Variants in IGFL2 observed in about 807,000 individuals in gnomAD.
IGFL2 encodes IGF like family member 2.
Under a neutral mutation model 13.9 loss-of-function variants are expected in IGFL2, and 7 were observed. The ratio of observed to expected loss-of-function variants is 0.51; its 90% CI spans 0.29 to 0.95. The LOEUF is 0.95. Among genes scored for constraint, IGFL2 ranks in the 40% least tolerant of loss-of-function variants. IGFL2 has a pLI of 0.08. For missense variants in IGFL2, 138 were observed against 147.8 expected, an observed-to-expected ratio of 0.93 and a Z score of 0.34; for synonymous variants, 55 against 55.8, an observed-to-expected ratio of 0.99 and a Z score of 0.07.
chr19:46,215,159 G>A, the IGFL2 span, among the ~76,000 whole-genome samples: 1 of 152,124 alleles, frequency 6.6e-6, no homozygotes, highest in Non-Finnish European at 1.5e-5. Context: ...TTAGGTTGAT[G>A]TTTTATCCAT....
At chr19:46,113,367 G>A in the IGFL2 span, 11 of 347,820 alleles carry the variant, frequency 3.2e-5, no homozygotes, top group African/African-American at 1.8e-4. Flanking sequence ...AATTTCCAAA[G>A]CACTAATAAA....
chr19:46,126,138 A>G, the IGFL2 span, among the ~76,000 whole-genome samples: 1 of 151,412 alleles, frequency 6.6e-6, no homozygotes, highest in Non-Finnish European at 1.5e-5. Flanking sequence ...AATGTTTATT[A>G]ACAGAGCTTC....
At chr19:46,105,116 T>C in the IGFL2 span, among the ~76,000 whole-genome samples, 2 of 152,210 alleles carry the variant, frequency 1.3e-5, no homozygotes, top group East Asian at 1.9e-4. Flanking sequence ...TCCAGCTTCC[T>C]TTGGAAGTAA....
chr19:46,114,764 A>G, the IGFL2 span, among the ~76,000 whole-genome samples: 4 of 152,166 alleles, frequency 2.6e-5, no homozygotes, highest in Non-Finnish European at 1.5e-5. Context: ...TTCCCAGCCA[A>G]GCGGAACTGT....
At chr19:46,090,590 T>C in the IGFL2 span, among the ~76,000 whole-genome samples, 1 of 152,332 alleles carries the variant, frequency 6.6e-6, no homozygotes, top group South Asian at 2.1e-4. Flanking sequence ...ATTACAACTC[T>C]AGAGGGTGAC....
chr19:46,083,090 A>G, the IGFL2 span, among the ~76,000 whole-genome samples: 1 of 152,220 alleles, frequency 6.6e-6, no homozygotes, highest in Non-Finnish European at 1.5e-5. Context: ...CTTGTTACAT[A>G]AGATAATTTG....
At position 46,148,841 on chromosome 19, in the gene IGFL2, G is replaced by C. The variant is rs887587096; in HGVS notation, c.19+544G>C. The stretch of plus-strand genomic sequence containing the variant: ...CTCTTCCAGATATTGGACTGTGGTT[G>C]TGCCAGTTGACACTCAGGAGTGGAG... On this transcript the variant is annotated intron_variant, in intron 1 of 3. Transcript: ENST00000377693. 6.0e-6 allele frequency: 9 copies of C among 1,493,972 alleles called. No homozygotes were observed. In the African/African-American group the frequency reaches 9.7e-5, roughly 16 times the overall value. The allele number at this position is 1,493,972 out of a possible 1,614,324, so 92.5% of individuals were successfully genotyped here.
At chr19:46,211,378 G>C in the IGFL2 span, among the ~76,000 whole-genome samples, 1 of 152,136 alleles carries the variant, frequency 6.6e-6, no homozygotes, top group South Asian at 2.1e-4. Flanking sequence ...GGGGAAACCC[G>C]GCCTTCCTTC....
chr19:46,128,975 G>C, the IGFL2 span, among the ~76,000 whole-genome samples: 89 of 152,196 alleles, frequency 5.8e-4, no homozygotes, highest in African/African-American at 2.0e-3. Flanking sequence ...ATCTGGTCTT[G>C]GAAATTTTTT....
the IGFL2 span, among the ~76,000 whole-genome samples, chr19:46,182,181 A>G: frequency 3.9e-5 from 6 of 152,058 alleles, no homozygotes; most frequent in African/African-American, 1.4e-4. Flanking sequence ...AGCCTGGCCA[A>G]CATAGTGAAA....
At chr19:46,186,428 C>A in the IGFL2 span, among the ~76,000 whole-genome samples, 1 of 152,192 alleles carries the variant, frequency 6.6e-6, no homozygotes, top group African/African-American at 2.4e-5. Context: ...GCAGCGGTGG[C>A]AGGCTCTTAT....
the IGFL2 span, among the ~76,000 whole-genome samples, chr19:46,194,844 ATATATATATTTTTTTTTTT>A: frequency 6.0e-5 from 2 of 33,146 alleles, no homozygotes; most frequent in Non-Finnish European, 1.3e-4. Flanking sequence ...ATATATATAT[ATATATATATTTTTTTTTTT>A]TTTTTTTTTT....
the IGFL2 span, among the ~76,000 whole-genome samples, chr19:46,092,685 T>A: frequency 6.6e-6 from 1 of 151,954 alleles, no homozygotes. Flanking sequence ...CTCACTGTGT[T>A]GCCTAGGCTT....
chr19:46,210,945 CT>C, the IGFL2 span, among the ~76,000 whole-genome samples: 1 of 152,246 alleles, frequency 6.6e-6, no homozygotes, highest in Non-Finnish European at 1.5e-5. Context: ...AAGCTTCACA[CT>C]TTCCTTCCCA....
At chr19:46,091,942 C>G in the IGFL2 span, among the ~76,000 whole-genome samples, 18 of 152,078 alleles carry the variant, frequency 1.2e-4, no homozygotes, top group Non-Finnish European at 1.0e-4. Context: ...AAACTAAAAT[C>G]TATAAAAATG....
the IGFL2 span, among the ~76,000 whole-genome samples, chr19:46,129,818 G>C: frequency 1.3e-5 from 2 of 152,184 alleles, no homozygotes; most frequent in African/African-American, 4.8e-5. Context: ...ATGTGGTGGT[G>C]AGAAGAATGT....
chr19:46,100,126 C>A, the IGFL2 span, among the ~76,000 whole-genome samples: 1 of 152,154 alleles, frequency 6.6e-6, no homozygotes, highest in South Asian at 2.1e-4. Context: ...GTCAACTCAT[C>A]CATCTCAGCC....
chr19:46,169,546 G>A, the IGFL2 span, among the ~76,000 whole-genome samples: 3 of 152,136 alleles, frequency 2.0e-5, no homozygotes, highest in East Asian at 1.9e-4. Context: ...AAAACTAGGA[G>A]TAATTGTATG....
intron 1 of IGFL2, among the ~76,000 whole-genome samples, chr19:46,151,266 T>C (rs1281796764): frequency 6.6e-6 from 1 of 152,234 alleles, no homozygotes; most frequent in Non-Finnish European, 1.5e-5. Context: ...AGTTAATCCT[T>C]GTGTATGGTA....
Sources: gnomAD v4.1 joint callset for allele counts (sites outside exome capture counted in the v4.1 genomes callset) on GRCh38, gnomAD v4.1.1 for gene constraint, MANE v1.5 for transcripts, NCBI Gene and HGNC (gene_info 2026-07-23, HGNC 2026-07-21) for gene names.